The following JAK1 variants were observed in gnomAD, a reference collection of about 807,000 sequenced individuals.
JAK1 encodes Janus kinase 1, also known as tyrosine-protein kinase JAK1.
JAK1 carries 16 observed loss-of-function variants against 136.6 expected under a neutral mutation model. The ratio of observed to expected loss-of-function variants is 0.12; its 90% CI spans 0.08 to 0.18. The LOEUF is 0.18. JAK1 is among the 10% of genes least tolerant of loss of function. The pLI is 1.00. For missense variants in JAK1, 859 were observed against 1,450.1 expected (o/e 0.59, Z 6.62); for synonymous variants, 492 against 519.5 (o/e 0.95, Z 0.72).
At chr1:64,899,220 T>C (rs1326904374) in intron 1 of JAK1, among the ~76,000 whole-genome samples, 2 of 152,162 alleles carry the variant, frequency 1.3e-5, no homozygotes, top group Non-Finnish European at 2.9e-5. Context: ...TCTAAGTCAT[T>C]AGACAGCAAA....
At chr1:65,026,133 C>T (rs77763047) in intron 2 of JAK1, among the ~76,000 whole-genome samples, 2 of 152,182 alleles carry the variant, frequency 1.3e-5, no homozygotes, top group African/African-American at 2.4e-5. Flanking sequence ...TACATGCCTT[C>T]CATGTGATCC....
At chr1:65,001,287 T>A (rs1469232800) in intron 2 of JAK1, among the ~76,000 whole-genome samples, 5 of 152,218 alleles carry the variant, frequency 3.3e-5, no homozygotes, top group Non-Finnish European at 7.3e-5. Context: ...TATCTTTCAC[T>A]GGGCTGCAGT....
intron 1 of JAK1, among the ~76,000 whole-genome samples, chr1:64,960,522 T>C (rs962951788): frequency 9.9e-5 from 15 of 152,176 alleles, no homozygotes; most frequent in Non-Finnish European, 1.6e-4. Flanking sequence ...CATAAATTGA[T>C]GTGATTTAGT....
chr1:64,870,805 T>C (rs930067507), intron 5 of JAK1, among the ~76,000 whole-genome samples: 1 of 152,124 alleles, frequency 6.6e-6, no homozygotes, highest in Non-Finnish European at 1.5e-5. Context: ...ATATCTTGTT[T>C]CTCTCAGGTG....
At chr1:64,901,037 T>C (rs1645097356) in intron 1 of JAK1, among the ~76,000 whole-genome samples, 4 of 152,206 alleles carry the variant, frequency 2.6e-5, no homozygotes, top group Admixed American at 2.0e-4. Context: ...AGCACTTACA[T>C]CCTGCTCCCT....
At chr1:64,839,349 C>A (rs138014607) in intron 20 of JAK1, 17 of 385,516 alleles carry the variant, frequency 4.4e-5, no homozygotes, top group African/African-American at 2.9e-4. Flanking sequence ...TTTCATAAGG[C>A]ATAAGTGCAA....
chr1:64,839,934 AC>A, intron 19 of JAK1, 139 bp from the exon 20 acceptor site: 1 of 649,320 alleles, frequency 1.5e-6, no homozygotes, highest in Non-Finnish European at 2.6e-6. Context: ...GAAGCCTCTC[AC>A]CTGGACTGTA....
chr1:65,033,957 C>T (rs11208569), intron 2 of JAK1, among the ~76,000 whole-genome samples: 1 of 152,032 alleles, frequency 6.6e-6, no homozygotes. Flanking sequence ...AAGGAGTAGA[C>T]ATAATGTGCC....
chr1:65,035,057 AAAATAAATAAAT>A (rs35499348), intron 2 of JAK1, among the ~76,000 whole-genome samples: 206 of 149,596 alleles, frequency 1.4e-3, no homozygotes, highest in African/African-American at 4.0e-3. Flanking sequence ...ACTCCATCTC[AAAATAAATAAAT>A]AAATAAATAA....
intron 8 of JAK1, among the ~76,000 whole-genome samples, chr1:64,864,436 A>G (rs1378313883): frequency 1.3e-5 from 2 of 152,246 alleles, no homozygotes; most frequent in Non-Finnish European, 2.9e-5. Context: ...TCAGCTCAGC[A>G]GAGAGGCCGT....
intron 1 of JAK1, among the ~76,000 whole-genome samples, chr1:64,934,017 T>G (rs1557704226): frequency 6.6e-6 from 1 of 152,166 alleles, no homozygotes; most frequent in African/African-American, 2.4e-5. Flanking sequence ...CCTCTGGAAT[T>G]TGGGAGCTGA....
chr1:64,910,311 G>T (rs368435316), intron 1 of JAK1, among the ~76,000 whole-genome samples: 1 of 152,038 alleles, frequency 6.6e-6, no homozygotes, highest in Admixed American at 6.6e-5. Context: ...GATGGGCTAC[G>T]AATTTGGCTT....
chr1:65,010,834 C>G (rs548318916), intron 2 of JAK1, among the ~76,000 whole-genome samples: 1 of 151,988 alleles, frequency 6.6e-6, no homozygotes, highest in East Asian at 1.9e-4. Flanking sequence ...ACTAGCCAGC[C>G]GTGGTGGCAT....
intron 1 of JAK1, among the ~76,000 whole-genome samples, chr1:65,054,752 T>C (rs536390678): frequency 2.2e-5 from 3 of 136,534 alleles, no homozygotes; most frequent in Non-Finnish European, 4.7e-5. Flanking sequence ...CTTTTTCTCA[T>C]TGTTTTTAAT....
chr1:65,050,961 A>G (rs1647268161), intron 1 of JAK1, among the ~76,000 whole-genome samples: 1 of 152,190 alleles, frequency 6.6e-6, no homozygotes, highest in Admixed American at 6.5e-5. Context: ...GGATGAAATG[A>G]GTGCTTTGGT....
intron 8 of JAK1, among the ~76,000 whole-genome samples, chr1:64,860,981 T>TGTGTGTGTG (rs1656294523): frequency 3.1e-5 from 4 of 130,980 alleles, no homozygotes; most frequent in Admixed American, 8.0e-5. Context: ...TGTGTGTGTG[T>TGTGTGTGTG]TGGGGGTGAC....
chr1:64,946,789 A>C (rs1416923129), intron 1 of JAK1, among the ~76,000 whole-genome samples: 1 of 152,230 alleles, frequency 6.6e-6, no homozygotes, highest in East Asian at 1.9e-4. Context: ...ATCATTCACA[A>C]CAGTCAAAAG....
Position 64,861,777 on chromosome 1 carries a change from G to A in JAK1, c.1177-1515C>T, listed in dbSNP as rs573712137. 3.9e-5 allele frequency among the ~76,000 whole-genome samples: 6 copies of A among 152,268 alleles called. No individual in the cohort carries two copies. The South Asian group carries it at 1.0e-3, about 26-fold the overall frequency. On this transcript the variant is annotated intron_variant, in intron 8 of 24. Transcript: ENST00000342505. ...GGCTATGAGGAAGGAGGCCTGGAGA[G>A]GGCAGGGTCACCATAGGAATGGCAC...
chr1:64,852,327 G>A (rs375527577), intron 11 of JAK1, among the ~76,000 whole-genome samples: 6 of 152,266 alleles, frequency 3.9e-5, no homozygotes, highest in African/African-American at 9.6e-5. Flanking sequence ...AGATGCTCTC[G>A]TCTCTACCCT....
Sources: gnomAD v4.1 joint callset for allele counts (sites outside exome capture counted in the v4.1 genomes callset) on GRCh38, gnomAD v4.1.1 for gene constraint, MANE v1.5 for transcripts, NCBI Gene and HGNC (gene_info 2026-07-23, HGNC 2026-07-21) for gene names.